The following TENM3 variants were observed in gnomAD, a reference collection of about 807,000 sequenced individuals.
TENM3 encodes the protein teneurin-3.
Under a neutral mutation model 255.1 loss-of-function variants are expected in TENM3, and 63 were observed. The ratio of observed to expected loss-of-function variants is 0.25; its 90% CI spans 0.20 to 0.30. The LOEUF (loss-of-function observed/expected upper bound fraction) is 0.30, where lower values mean the gene tolerates loss of function less well. Among genes scored for constraint, TENM3 ranks in the 10% least tolerant of loss-of-function variants. The pLI is 1.00. For missense variants in TENM3, 2,929 were observed against 3,461.1 expected, an observed-to-expected ratio of 0.85 and a Z score of 3.86; for synonymous variants, 1,306 against 1,322.3, an observed-to-expected ratio of 0.99 and a Z score of 0.27.
the TENM3 span, among the ~76,000 whole-genome samples, chr4:182,079,442 G>C: frequency 2.0e-5 from 3 of 152,066 alleles, no homozygotes; most frequent in Non-Finnish European, 4.4e-5. Flanking sequence ...CGTGAACCCA[G>C]GAGGCAGAGC....
intron 23 of TENM3, among the ~76,000 whole-genome samples, chr4:182,774,265 C>T (rs1764499065): frequency 6.6e-6 from 1 of 151,986 alleles, no homozygotes; most frequent in African/African-American, 2.4e-5. Flanking sequence ...CTTTTTGACT[C>T]ATTTTTTTTA....
At chr4:182,781,797 C>T (rs1429202976) in intron 24 of TENM3, among the ~76,000 whole-genome samples, 6 of 149,358 alleles carry the variant, frequency 4.0e-5, no homozygotes, top group Non-Finnish European at 6.0e-5. Context: ...GTGTATGTGT[C>T]GAGGAATTTA....
At chr4:181,552,649 C>T in the TENM3 span, among the ~76,000 whole-genome samples, 1 of 152,074 alleles carries the variant, frequency 6.6e-6, no homozygotes, top group South Asian at 2.1e-4. Context: ...TCTGCATTCT[C>T]AGTTACTGGG....
intron 6 of TENM3, among the ~76,000 whole-genome samples, chr4:182,666,687 A>G (rs370227369): frequency 3.9e-5 from 6 of 152,140 alleles, no homozygotes; most frequent in African/African-American, 1.4e-4. Flanking sequence ...GCTTGAGTCC[A>G]AGAGTTTTAG....
intron 3 of TENM3, among the ~76,000 whole-genome samples, chr4:182,529,646 G>A (rs1245469269): frequency 2.0e-5 from 3 of 152,174 alleles, no homozygotes; most frequent in Admixed American, 6.5e-5. Context: ...TAACCAGGGA[G>A]CACTCCTTTT....
intron 24 of TENM3, among the ~76,000 whole-genome samples, chr4:182,788,740 C>T (rs1397732181): frequency 6.6e-6 from 1 of 152,190 alleles, no homozygotes; most frequent in Non-Finnish European, 1.5e-5. Flanking sequence ...AATTATTTTC[C>T]AGTGTCTTTT....
At chr4:182,535,359 ATTC>A (rs1740197900) in intron 3 of TENM3, among the ~76,000 whole-genome samples, 1 of 152,170 alleles carries the variant, frequency 6.6e-6, no homozygotes. Context: ...TGATTATTGT[ATTC>A]TTCTCATAGA....
the TENM3 span, among the ~76,000 whole-genome samples, chr4:181,796,265 G>A: frequency 6.6e-5 from 10 of 152,178 alleles, no homozygotes; most frequent in East Asian, 1.7e-3. Context: ...ACTAGGTCTC[G>A]GACCCAATCA....
the TENM3 span, among the ~76,000 whole-genome samples, chr4:181,910,572 T>TAA: frequency 9.2e-5 from 13 of 140,966 alleles, no homozygotes; most frequent in East Asian, 8.3e-4. Context: ...TATATATATA[T>TAA]AATGTACATA....
chr4:182,791,857 G>C (rs1024122927), intron 25 of TENM3, among the ~76,000 whole-genome samples: 2 of 152,010 alleles, frequency 1.3e-5, no homozygotes, highest in Non-Finnish European at 2.9e-5. Flanking sequence ...ACTCAGATGA[G>C]GGGGGGAAAG....
intron 3 of TENM3, among the ~76,000 whole-genome samples, chr4:182,556,677 T>C (rs1580926389): frequency 6.6e-6 from 1 of 152,316 alleles, no homozygotes; most frequent in East Asian, 1.9e-4. Flanking sequence ...CAGCACTTTG[T>C]TGAATTCATT....
At chr4:182,732,641 C>T (rs1760862340) in intron 16 of TENM3, among the ~76,000 whole-genome samples, 2 of 152,130 alleles carry the variant, frequency 1.3e-5, no homozygotes, top group Admixed American at 6.5e-5. Context: ...ACCTGAGCAA[C>T]ATGACAAAAC....
chr4:182,442,577 C>T (rs888052758), intron 3 of TENM3, among the ~76,000 whole-genome samples: 1 of 151,984 alleles, frequency 6.6e-6, no homozygotes, highest in African/African-American at 2.4e-5. Flanking sequence ...ACCAAAAATG[C>T]TTGGTCTTTT....
chr4:181,853,525 T>C, the TENM3 span, among the ~76,000 whole-genome samples: 1 of 152,250 alleles, frequency 6.6e-6, no homozygotes, highest in Admixed American at 6.5e-5. Flanking sequence ...ATCACTCTCG[T>C]TGACTTTCTC....
chr4:182,689,040 T>C (rs186529272), intron 12 of TENM3, among the ~76,000 whole-genome samples: 1 of 152,280 alleles, frequency 6.6e-6, no homozygotes, highest in East Asian at 1.9e-4. Flanking sequence ...CCAAAACATA[T>C]ATATCATGTT....
intron 12 of TENM3, 85 bp from the exon 13 acceptor site, chr4:182,714,001 TC>T: frequency 2.7e-6 from 3 of 1,101,300 alleles, no homozygotes; most frequent in Non-Finnish European, 4.1e-6. Flanking sequence ...AAAGGCCTGT[TC>T]CCACTAAGTG....
intron 1 of TENM3, among the ~76,000 whole-genome samples, chr4:182,216,586 A>T (rs1379152192): frequency 6.6e-6 from 1 of 152,246 alleles, no homozygotes; most frequent in East Asian, 1.9e-4. Context: ...AAGGTGATGT[A>T]CGTGTGAGGA....
intron 3 of TENM3, among the ~76,000 whole-genome samples, chr4:182,510,249 A>C (rs115356627): frequency 0.014 from 2,081 of 152,298 alleles, 25 homozygotes; most frequent in Middle Eastern, 0.034. Context: ...GTTTCTTAGA[A>C]AACTACAAAA....
At chr4:182,537,199 C>G (rs1262934815) in intron 3 of TENM3, among the ~76,000 whole-genome samples, 1 of 152,188 alleles carries the variant, frequency 6.6e-6, no homozygotes, top group East Asian at 1.9e-4. Flanking sequence ...TTTGCATTCT[C>G]TCGTCATCCT....
Sources: gnomAD v4.1 joint callset for allele counts (sites outside exome capture counted in the v4.1 genomes callset) on GRCh38, gnomAD v4.1.1 for gene constraint, MANE v1.5 for transcripts, NCBI Gene and HGNC (gene_info 2026-07-23, HGNC 2026-07-21) for gene names.